The following KHDRBS2 variants were observed in gnomAD, a reference collection of about 807,000 sequenced individuals.
The protein encoded by KHDRBS2 is KH domain-containing, RNA-binding, signal transduction-associated protein 2.
Under a neutral mutation model 44.3 loss-of-function variants are expected in KHDRBS2, and 26 were observed. That is an observed-to-expected ratio of 0.59 (90% CI 0.43 to 0.81). The LOEUF (loss-of-function observed/expected upper bound fraction) is 0.81. Among genes scored for constraint, KHDRBS2 ranks in the 40% least tolerant of loss-of-function variants. KHDRBS2 has a pLI of 0.00. For synonymous variants in KHDRBS2, 194 were observed against 151.1 expected, an observed-to-expected ratio of 1.28 and a Z score of -2.08; for missense variants, 476 against 433.1, an observed-to-expected ratio of 1.10 and a Z score of -0.88.
chr6:61,543,886 G>T, the KHDRBS2 span, among the ~76,000 whole-genome samples: 1 of 151,976 alleles, frequency 6.6e-6, no homozygotes, highest in African/African-American at 2.4e-5. Context: ...TTATTTGTGG[G>T]AGCTAAAAAT....
intron 4 of KHDRBS2, among the ~76,000 whole-genome samples, chr6:61,920,390 T>G (rs1807848531): frequency 6.6e-6 from 1 of 151,958 alleles, no homozygotes; most frequent in African/African-American, 2.4e-5. Flanking sequence ...TAGCACATAC[T>G]GAGCACCTGA....
chr6:62,065,081 A>G (rs1172237581), intron 2 of KHDRBS2, among the ~76,000 whole-genome samples: 1 of 152,186 alleles, frequency 6.6e-6, no homozygotes, highest in African/African-American at 2.4e-5. Context: ...AACCACAATG[A>G]GATACCATCT....
At chr6:61,829,215 G>A (rs1464575087) in intron 6 of KHDRBS2, among the ~76,000 whole-genome samples, 1 of 152,350 alleles carries the variant, frequency 6.6e-6, no homozygotes, top group Admixed American at 6.5e-5. Context: ...AGGTTGGAGT[G>A]CAGTGGTGCA....
At chr6:61,782,848 CA>C (rs1783222881) in intron 6 of KHDRBS2, among the ~76,000 whole-genome samples, 1 of 151,252 alleles carries the variant, frequency 6.6e-6, no homozygotes, top group South Asian at 2.1e-4. Context: ...TGGTTGGGTC[CA>C]CATGTCTCTC....
intron 1 of KHDRBS2, among the ~76,000 whole-genome samples, chr6:62,276,342 T>C (rs1284117449): frequency 1.3e-5 from 2 of 152,220 alleles, no homozygotes; most frequent in African/African-American, 4.8e-5. Flanking sequence ...CTTCTAAATG[T>C]TAAACAAAAC....
intron 7 of KHDRBS2, among the ~76,000 whole-genome samples, chr6:61,717,328 C>T (rs758776694): frequency 5.9e-5 from 9 of 151,624 alleles, no homozygotes; most frequent in African/African-American, 9.7e-5. Context: ...AAAATAAATA[C>T]GTCAAATAAG....
chr6:61,826,671 T>G (rs1187448929), intron 6 of KHDRBS2, among the ~76,000 whole-genome samples: 1 of 152,072 alleles, frequency 6.6e-6, no homozygotes, highest in Non-Finnish European at 1.5e-5. Context: ...TTTGACCTTT[T>G]TGGCCTCTAA....
intron 4 of KHDRBS2, among the ~76,000 whole-genome samples, chr6:61,909,623 T>C (rs1333046514): frequency 6.6e-6 from 1 of 151,718 alleles, no homozygotes; most frequent in African/African-American, 2.4e-5. Context: ...CACCATATGG[T>C]GTAAACAGTA....
At chr6:61,636,850 A>T in the KHDRBS2 span, among the ~76,000 whole-genome samples, 5 of 151,996 alleles carry the variant, frequency 3.3e-5, no homozygotes, top group Non-Finnish European at 7.4e-5. Flanking sequence ...CTAGGACCAC[A>T]TCTCATGCAT....
intron 1 of KHDRBS2, among the ~76,000 whole-genome samples, chr6:62,269,541 C>T (rs1162637218): frequency 6.6e-6 from 1 of 152,020 alleles, no homozygotes; most frequent in Non-Finnish European, 1.5e-5. Flanking sequence ...TAAGTTACCA[C>T]TGCAAACCAC....
At chr6:61,599,886 C>T in the KHDRBS2 span, among the ~76,000 whole-genome samples, 19 of 152,214 alleles carry the variant, frequency 1.2e-4, no homozygotes, top group African/African-American at 4.1e-4. Context: ...TGGTCACAAG[C>T]CAAGCTATCA....
At chr6:61,806,623 G>T (rs2087518766) in intron 6 of KHDRBS2, among the ~76,000 whole-genome samples, 1 of 113,004 alleles carries the variant, frequency 8.8e-6, no homozygotes, top group Admixed American at 8.3e-5. Flanking sequence ...TATTATATTG[G>T]TATACGGGTC....
chr6:61,832,690 CA>C (rs1792015382), intron 6 of KHDRBS2, among the ~76,000 whole-genome samples: 1 of 152,008 alleles, frequency 6.6e-6, no homozygotes, highest in South Asian at 2.1e-4. Flanking sequence ...GGCTGATTAC[CA>C]AACTCCTTAA....
At chr6:61,781,488 A>G (rs1398234136) in intron 6 of KHDRBS2, among the ~76,000 whole-genome samples, 1 of 152,182 alleles carries the variant, frequency 6.6e-6, no homozygotes, top group Non-Finnish European at 1.5e-5. Flanking sequence ...AGCAAAAAAG[A>G]ACAAAATAAA....
intron 2 of KHDRBS2, among the ~76,000 whole-genome samples, chr6:62,053,878 T>C (rs566900549): frequency 1.3e-5 from 2 of 152,146 alleles, no homozygotes; most frequent in South Asian, 4.1e-4. Flanking sequence ...GGTGCTGTTA[T>C]ACAAAAAAGG....
chr6:61,872,997 A>G (rs1798881921), intron 6 of KHDRBS2, among the ~76,000 whole-genome samples: 1 of 152,138 alleles, frequency 6.6e-6, no homozygotes, highest in Non-Finnish European at 1.5e-5. Flanking sequence ...TGAAACCTAA[A>G]TATCTTCACA....
the KHDRBS2 span, among the ~76,000 whole-genome samples, chr6:61,545,184 G>A: frequency 6.6e-6 from 1 of 151,994 alleles, no homozygotes; most frequent in African/African-American, 2.4e-5. Flanking sequence ...GGTGGTTCAT[G>A]CCTGTAATCC....
chr6:61,733,026 A>C (rs1011707285), intron 6 of KHDRBS2, among the ~76,000 whole-genome samples: 4 of 152,252 alleles, frequency 2.6e-5, no homozygotes, highest in African/African-American at 7.2e-5. Context: ...TTTCATCAAT[A>C]ATAATGACTA....
chr6:62,280,228 G>A (rs992141085), intron 1 of KHDRBS2, among the ~76,000 whole-genome samples: 16 of 152,152 alleles, frequency 1.1e-4, no homozygotes, highest in Admixed American at 6.5e-4. Flanking sequence ...TTATAAGAAC[G>A]TCAAGGGGTA....
Sources: gnomAD v4.1 joint callset for allele counts (sites outside exome capture counted in the v4.1 genomes callset) on GRCh38, gnomAD v4.1.1 for gene constraint, MANE v1.5 for transcripts, NCBI Gene and HGNC (gene_info 2026-07-23, HGNC 2026-07-21) for gene names.